The following SPON1 variants were observed in gnomAD, a reference collection of about 807,000 sequenced individuals.
SPON1 encodes the protein spondin 1.
SPON1 carries 52 observed loss-of-function variants against 111.7 expected under a neutral mutation model. That is an observed-to-expected ratio of 0.47 (90% CI 0.37 to 0.59). SPON1 has a LOEUF of 0.59. SPON1 is among the 20% of genes least tolerant of loss of function. SPON1 has a pLI of 0.00. For synonymous variants in SPON1, 410 were observed against 395.8 expected (o/e 1.04, Z -0.43); for missense variants, 957 against 1,068.5 (o/e 0.90, Z 1.46).
chr11:14,207,716 A>G (rs1193856950), intron 6 of SPON1, among the ~76,000 whole-genome samples: 2 of 152,170 alleles, frequency 1.3e-5, no homozygotes, highest in African/African-American at 4.8e-5. Flanking sequence ...AACATAACAC[A>G]TGCTGGCAAG....
At chr11:13,999,269 G>A (rs1848297600) in intron 2 of SPON1, among the ~76,000 whole-genome samples, 1 of 152,024 alleles carries the variant, frequency 6.6e-6, no homozygotes, top group Non-Finnish European at 1.5e-5. Context: ...GCATGTTCTA[G>A]GCTCTGAGGA....
intron 3 of SPON1, among the ~76,000 whole-genome samples, chr11:14,054,921 C>T (rs1321930008): frequency 6.6e-6 from 1 of 152,218 alleles, no homozygotes; most frequent in Non-Finnish European, 1.5e-5. Context: ...ACATCTGTAG[C>T]TCCACGTAGA....
chr11:14,057,140 C>T (rs1379043681), intron 3 of SPON1, among the ~76,000 whole-genome samples: 2 of 152,074 alleles, frequency 1.3e-5, no homozygotes, highest in Non-Finnish European at 2.9e-5. Context: ...AGTACTTGCC[C>T]TTGAAATACT....
At position 14,158,931 on chromosome 11, in the gene SPON1, G is replaced by T. The variant is rs78433600; in HGVS notation, c.825+23363G>T. On this transcript the variant is annotated intron_variant, in intron 6 of 15. Coordinates refer to ENST00000576479, the MANE Select transcript of SPON1 (RefSeq NM_006108.4). ...TGGTATCAGTTCTAATATGCTAGGTGTGGAGAACTGTACGTCTGTCTGCAA... is the reference window on the plus strand; with the variant it reads ...TGGTATCAGTTCTAATATGCTAGGTTTGGAGAACTGTACGTCTGTCTGCAA... Among the ~76,000 whole-genome samples, 1,293 of 152,176 alleles carry T rather than the reference G, an allele frequency of 8.5e-3. 16 individuals carry two copies. The highest frequency in any genetic ancestry group is 0.029 in the African/African-American group (1,219 of 41,518).
At chr11:13,979,988 T>C (rs17554294) in intron 1 of SPON1, among the ~76,000 whole-genome samples, 11,150 of 152,140 alleles carry the variant, frequency 0.073, 521 homozygotes, top group Middle Eastern at 0.14. Flanking sequence ...TGCTTGACAC[T>C]GAACACTACA....
In SPON1 at chr11:14,265,577, G is replaced by A. The variant is rs782043908; in HGVS notation, c.2314G>A (p.Gly772Ser). ...AWSECTKLCG[G>S]GIQERYMTVK... The stretch of plus-strand genomic sequence containing the variant: ...GTCAGAATGCACCAAACTGTGCGGA[G>A]GTGGAATTCAGGAACGTTACATGAC... The change falls in exon 16 of 16, where the codon GGT (glycine) becomes AGT (serine). Residue 772 changes from glycine (G) to serine (S), a missense_variant. By Grantham distance (56) the Gly-to-Ser change is moderately conservative. This residue lies in a region of SPON1 where 549 missense variants were observed against 606.2 expected (regional missense o/e 0.91). Coordinates refer to ENST00000576479, the MANE Select transcript of SPON1 (RefSeq NM_006108.4). 6.9e-5 allele frequency: 112 copies of A among 1,613,596 alleles called. 2 individuals are homozygous for A. The South Asian group carries it at 1.2e-3, about 17-fold the overall frequency.
At chr11:14,068,759 C>G (rs1349550058) in intron 3 of SPON1, among the ~76,000 whole-genome samples, 2 of 152,158 alleles carry the variant, frequency 1.3e-5, no homozygotes, top group Non-Finnish European at 2.9e-5. Context: ...AATGGCCACC[C>G]TCCGCTGAGT....
At chr11:14,263,053 TAAA>T (rs34480564) in intron 15 of SPON1, 78 bp downstream of exon 15, 13,283 of 937,444 alleles carry the variant, frequency 0.014, no homozygotes, top group South Asian at 0.018. Flanking sequence ...TGGACCTGTT[TAAA>T]AAAAAAAAAA....
chr11:14,096,589 G>A (rs1554923898), intron 5 of SPON1, among the ~76,000 whole-genome samples: 1 of 152,164 alleles, frequency 6.6e-6, no homozygotes, highest in East Asian at 1.9e-4. Flanking sequence ...GAGGCTGCAG[G>A]TGGGTGGTCC....
At chr11:13,975,847 G>A (rs1385652133) in intron 1 of SPON1, among the ~76,000 whole-genome samples, 1 of 152,034 alleles carries the variant, frequency 6.6e-6, no homozygotes, top group South Asian at 2.1e-4. Context: ...ACACATTGTT[G>A]GGTAATCAGC....
intron 1 of SPON1, among the ~76,000 whole-genome samples, chr11:13,980,070 ACGCT>A (rs1272958261): frequency 1.3e-5 from 2 of 150,408 alleles, no homozygotes; most frequent in Admixed American, 6.6e-5. Context: ...TGACAGAGTC[ACGCT>A]CTGTTGCCCA....
At position 14,147,258 on chromosome 11, in the gene SPON1, T is replaced by A. The variant is rs112622648; in HGVS notation, c.825+11690T>A. Reference sequence around the variant, plus strand: ...CTTGTTGGTCAGGCTGGTCTCAAACTCCTGACCTCAGGTGATCCACCTGCC... The same window carrying A: ...CTTGTTGGTCAGGCTGGTCTCAAACACCTGACCTCAGGTGATCCACCTGCC... On this transcript the variant is annotated intron_variant, in intron 6 of 15. Coordinates refer to ENST00000576479, the MANE Select transcript of SPON1 (RefSeq NM_006108.4). Among the ~76,000 whole-genome samples the A allele has an allele frequency of 2.9e-3, 436 of 151,952 alleles. 1 individual carries two copies. Among genetic ancestry groups the A allele is most frequent in the African/African-American group, 9.4e-3 (390 of 41,462 alleles).
rs2133924980 is a variant in SPON1 at position 14,256,664 on chromosome 11, T to C, written c.1281T>C (p.Ala427=). 2 of 1,613,820 alleles carry C rather than the reference T, an allele frequency of 1.2e-6. No homozygotes were observed. Among genetic ancestry groups the C allele is most frequent in the South Asian group, 1.1e-5 (1 of 91,014 alleles). ...CTGACAATGTCGATGATATTGTAGC[T>C]GACCTGGCTCCAGAAGAGAAAGATG... ...IVPDNVDDIV[A]DLAPEEKDED... Residue 427 remains alanine (A), a synonymous_variant, in exon 10 of 16, where the codon GCT becomes GCC. Transcript: ENST00000576479.
At chr11:14,110,164 A>G (rs1361250814) in intron 5 of SPON1, among the ~76,000 whole-genome samples, 9 of 152,150 alleles carry the variant, frequency 5.9e-5, no homozygotes, top group African/African-American at 1.9e-4. Flanking sequence ...ACATCTCCCA[A>G]TCCAGGAGAG....
intron 5 of SPON1, among the ~76,000 whole-genome samples, chr11:14,102,227 A>C (rs1849149303): frequency 6.6e-6 from 1 of 152,210 alleles, no homozygotes; most frequent in African/African-American, 2.4e-5. Flanking sequence ...ATACTGTATC[A>C]TATCACTATA....
chr11:14,144,820 A>G (rs1847700030), intron 6 of SPON1, among the ~76,000 whole-genome samples: 1 of 152,132 alleles, frequency 6.6e-6, no homozygotes, highest in Non-Finnish European at 1.5e-5. Context: ...AAACTTCAGC[A>G]AAGACCTCTA....
At chr11:14,207,049 TG>T (rs563794273) in intron 6 of SPON1, among the ~76,000 whole-genome samples, 44 of 152,010 alleles carry the variant, frequency 2.9e-4, no homozygotes, top group African/African-American at 9.9e-4. Context: ...CATAGACCAG[TG>T]GAAGAGAATA....
chr11:14,241,929 GGGGA>G (rs1848931876), intron 6 of SPON1, among the ~76,000 whole-genome samples: 1 of 151,988 alleles, frequency 6.6e-6, no homozygotes, highest in Non-Finnish European at 1.5e-5. Context: ...AGGGTACCCC[GGGGA>G]GCCTGAGCCT....
At chr11:14,012,554 C>T (rs1848413887) in intron 2 of SPON1, among the ~76,000 whole-genome samples, 1 of 152,176 alleles carries the variant, frequency 6.6e-6, no homozygotes, top group Admixed American at 6.5e-5. Flanking sequence ...TCATCACATA[C>T]TGCAGCCTTC....
Sources: allele counts gnomAD v4.1 joint callset (sites outside exome capture counted in the v4.1 genomes callset), GRCh38; gene constraint gnomAD v4.1.1; regional missense constraint gnomAD v4.1.1; transcripts MANE v1.5; gene names NCBI Gene and HGNC (gene_info 2026-07-23, HGNC 2026-07-21).